The following TAF2 variants were observed in gnomAD, a reference collection of about 807,000 sequenced individuals.
The protein encoded by TAF2 is transcription initiation factor TFIID subunit 2.
TAF2 carries 61 observed loss-of-function variants against 138.5 expected under a neutral mutation model. The observed-to-expected ratio is 0.44, with a 90% CI of 0.36 to 0.54. The LOEUF is 0.54. TAF2 is among the 20% of genes least tolerant of loss of function. The pLI is 0.00. For missense variants in TAF2, 1,090 were observed against 1,427.9 expected, an observed-to-expected ratio of 0.76 and a Z score of 3.81; for synonymous variants, 475 against 469.9, an observed-to-expected ratio of 1.01 and a Z score of -0.14.
intron 18 of TAF2, among the ~76,000 whole-genome samples, chr8:119,768,469 T>G (rs912169177): frequency 1.4e-5 from 2 of 143,660 alleles, no homozygotes; most frequent in Non-Finnish European, 3.1e-5. Context: ...AAAAACTCCT[T>G]ATTTTTTCCT....
chr8:119,806,471 T>A (rs139082558), intron 3 of TAF2, 70 bp from the exon 4 acceptor site: 73 of 107,302 alleles, frequency 6.8e-4, no homozygotes, highest in Middle Eastern at 4.0e-3. Flanking sequence ...CTTTCTTTCT[T>A]TTTTTTTTTT....
chr8:119,819,837 TAC>T lies in TAF2; in HGVS notation c.139-333_139-332del, dbSNP rs879705232. Among the ~76,000 whole-genome samples the T allele has an allele frequency of 1.5e-3, 223 of 151,806 alleles. 3 individuals carry two copies. Among genetic ancestry groups the T allele is most frequent in the Admixed American group, 0.012 (187 of 15,250 alleles). On this transcript the variant is annotated intron_variant, in intron 2 of 25. Transcript: ENST00000378164. ...CCTAAAAAGGGAAGAAGAAAAAAAT[TAC>T]AGAGCAGAAAGGGAATCAAAATCAG...
intron 10 of TAF2, chr8:119,791,887 G>C (rs1410653282): frequency 6.5e-6 from 1 of 152,886 alleles, no homozygotes; most frequent in African/African-American, 2.4e-5. Flanking sequence ...TTTGGGATGG[G>C]AAAAATTTTC....
At chr8:119,826,629 T>C (rs928176667) in intron 2 of TAF2, among the ~76,000 whole-genome samples, 12 of 152,180 alleles carry the variant, frequency 7.9e-5, no homozygotes, top group African/African-American at 2.9e-4. Flanking sequence ...TCACTCTTGT[T>C]GTCCAGGCTG....
At chr8:119,805,567 G>C (rs1180635511) in intron 4 of TAF2, among the ~76,000 whole-genome samples, 1 of 151,894 alleles carries the variant, frequency 6.6e-6, no homozygotes, top group Non-Finnish European at 1.5e-5. Flanking sequence ...TCAGCCAGGC[G>C]TGGTGGCAGG....
intron 24 of TAF2, 48 bp from the exon 25 acceptor site, chr8:119,742,704 C>CA: frequency 6.3e-7 from 1 of 1,598,768 alleles, no homozygotes; most frequent in Non-Finnish European, 8.5e-7. Flanking sequence ...TCTTTGTTTC[C>CA]CAAAAGAAAA....
intron 1 of TAF2, among the ~76,000 whole-genome samples, chr8:119,832,237 G>T (rs1200595839): frequency 6.6e-6 from 1 of 150,638 alleles, no homozygotes; most frequent in Non-Finnish European, 1.5e-5. Context: ...CACGAAAACA[G>T]ATTTGACAGA....
At chr8:119,790,991 G>GC (rs1415537831) in intron 11 of TAF2, among the ~76,000 whole-genome samples, 1 of 151,444 alleles carries the variant, frequency 6.6e-6, no homozygotes, top group Non-Finnish European at 1.5e-5. Context: ...GAGATGGGGG[G>GC]GGTCTTACTA....
chr8:119,738,747 T>C (rs541917819), intron 25 of TAF2, among the ~76,000 whole-genome samples: 9 of 152,298 alleles, frequency 5.9e-5, no homozygotes, highest in African/African-American at 1.4e-4. Context: ...TTTCAGCCCA[T>C]GTGATGAAAG....
At chr8:119,799,604 A>G (rs1345675935) in intron 6 of TAF2, among the ~76,000 whole-genome samples, 2 of 152,198 alleles carry the variant, frequency 1.3e-5, no homozygotes, top group East Asian at 1.9e-4. Flanking sequence ...TAGTGCTGCA[A>G]TAAACACACA....
At chr8:119,797,246 C>T in intron 7 of TAF2, 143 bp from the exon 8 acceptor site, 1 of 687,556 alleles carries the variant, frequency 1.5e-6, no homozygotes, top group South Asian at 1.8e-5. Flanking sequence ...CAAAATTTAG[C>T]TAAAATTCAT....
At chr8:119,805,112 T>TAAATA (rs1824529557) in intron 4 of TAF2, among the ~76,000 whole-genome samples, 1 of 152,168 alleles carries the variant, frequency 6.6e-6, no homozygotes. Flanking sequence ...TTTATAAGGC[T>TAAATA]AAATAAGCAA....
chr8:119,832,814 A>C lies in TAF2; in HGVS notation c.-250T>G. ...CTCTCCGCAAGGGCTCGAAGCTACC[A>C]TCCGCCGACATCTTGTCTGTAACCT... On this transcript the variant is annotated 5_prime_UTR_variant, in exon 1 of 26. The change abolishes an upstream ATG in the 5' untranslated region. Coordinates refer to ENST00000378164, the MANE Select transcript of TAF2 (RefSeq NM_003184.4). 2.2e-6 allele frequency: 1 copy of C among 455,160 alleles called. No homozygotes were observed. Among genetic ancestry groups the C allele is most frequent in the African/African-American group, 2.0e-5 (1 of 50,622 alleles). The allele number at this position is 455,160 out of a possible 1,614,324, so 28.2% of individuals were successfully genotyped here. A position where few individuals can be genotyped will look rare whatever the true frequency, so the allele number is the denominator to read the frequency against.
At chr8:119,799,650 C>T (rs1351806756) in intron 6 of TAF2, among the ~76,000 whole-genome samples, 10 of 152,166 alleles carry the variant, frequency 6.6e-5, no homozygotes, top group African/African-American at 1.2e-4. Flanking sequence ...GATTTATAAT[C>T]CTTTGGGTAT....
At chr8:119,786,003 T>C (rs931134282) in intron 14 of TAF2, among the ~76,000 whole-genome samples, 3 of 152,296 alleles carry the variant, frequency 2.0e-5, no homozygotes, top group Non-Finnish European at 4.4e-5. Flanking sequence ...TATAAGAAGA[T>C]TTCAGAATCA....
chr8:119,817,787 C>T (rs948823941), intron 3 of TAF2, among the ~76,000 whole-genome samples: 2 of 152,198 alleles, frequency 1.3e-5, no homozygotes, highest in East Asian at 3.9e-4. Flanking sequence ...TTTTGGCCTT[C>T]TGGCAAGGTA....
chr8:119,748,303 T>C (rs953965627), intron 22 of TAF2, among the ~76,000 whole-genome samples: 2 of 152,010 alleles, frequency 1.3e-5, no homozygotes, highest in African/African-American at 2.4e-5. Flanking sequence ...CAAATATTAA[T>C]ATAAGTAAAT....
Position 119,756,119 on chromosome 8 carries a change from A to T in TAF2, c.2769-4T>A, listed in dbSNP as rs763519638. 1 of 1,610,216 alleles carries T rather than the reference A, an allele frequency of 6.2e-7. No individual in the cohort carries two copies. Among genetic ancestry groups the T allele is most frequent in the South Asian group, 1.1e-5 (1 of 90,988 alleles). ...CAACATGTTGAGAATCTTATGCCTG[A>T]AAGATTAAAAAAAATTAAATTTTTG... On this transcript the variant is annotated splice_polypyrimidine_tract_variant and splice_region_variant and intron_variant, in intron 21 of 25. Transcript: ENST00000378164.
chr8:119,776,048 C>T (rs575131629), intron 18 of TAF2, among the ~76,000 whole-genome samples: 7 of 152,176 alleles, frequency 4.6e-5, no homozygotes, highest in Non-Finnish European at 7.4e-5. Context: ...TATGCATAGA[C>T]GAGCTTACTA....
Sources: allele counts gnomAD v4.1 joint callset (sites outside exome capture counted in the v4.1 genomes callset), GRCh38; gene constraint gnomAD v4.1.1; transcripts MANE v1.5; gene names NCBI Gene and HGNC (gene_info 2026-07-23, HGNC 2026-07-21).